Variants in AKR1C8 observed in about 807,000 individuals in gnomAD.
The protein encoded by AKR1C8 is aldo-keto reductase family 1 member C8, also known as aldo-keto reductase family 1 member C-like protein 1.
At chr10:5,167,550 C>A in the AKR1C8 span, among the ~76,000 whole-genome samples, 1 of 152,118 alleles carries the variant, frequency 6.6e-6, no homozygotes, top group African/African-American at 2.4e-5. Flanking sequence ...AACCAAACAC[C>A]GCATGTTCTC....
chr10:5,177,510 G>A, the AKR1C8 span, among the ~76,000 whole-genome samples: 3 of 152,172 alleles, frequency 2.0e-5, no homozygotes, highest in Non-Finnish European at 2.9e-5. Flanking sequence ...AGTTAGGGAG[G>A]CTTCCTTCTT....
the AKR1C8 span, among the ~76,000 whole-genome samples, chr10:5,129,894 C>G: frequency 0.96 from 145,661 of 152,048 alleles, 69,840 homozygotes; most frequent in East Asian, 1. Context: ...TAGAGAGAGA[C>G]GGAACTCTGC....
chr10:5,153,624 G>A, the AKR1C8 span, among the ~76,000 whole-genome samples: 2 of 152,266 alleles, frequency 1.3e-5, 1 homozygote. Context: ...AAGGCAAGGG[G>A]GAGCAGACGC....
chr10:5,127,651 G>A, the AKR1C8 span, among the ~76,000 whole-genome samples: 3 of 150,488 alleles, frequency 2.0e-5, no homozygotes, highest in South Asian at 6.3e-4. Flanking sequence ...CCTGGGAGGA[G>A]GAGGTTGCAG....
At chr10:5,128,295 A>C in the AKR1C8 span, among the ~76,000 whole-genome samples, 3 of 152,196 alleles carry the variant, frequency 2.0e-5, 1 homozygote, top group Non-Finnish European at 4.4e-5. Context: ...TAAATCTTCA[A>C]CCAAAAGACT....
the AKR1C8 span, among the ~76,000 whole-genome samples, chr10:5,146,652 A>G: frequency 4.6e-5 from 7 of 152,184 alleles, no homozygotes; most frequent in Non-Finnish European, 1.0e-4. Flanking sequence ...ATAGTTATGG[A>G]AAACTATTCA....
the AKR1C8 span, among the ~76,000 whole-genome samples, chr10:5,151,057 A>C: frequency 6.6e-6 from 1 of 152,082 alleles, no homozygotes; most frequent in Admixed American, 6.6e-5. Flanking sequence ...TTGGAGATTA[A>C]ATCATAGGGA....
At chr10:5,185,026 A>C in the AKR1C8 span, 1 of 534,696 alleles carries the variant, frequency 1.9e-6, no homozygotes, top group Admixed American at 1.9e-5. Flanking sequence ...TCAGGAGCAT[A>C]AGTGCCAAAT....
chr10:5,175,341 T>C, the AKR1C8 span, among the ~76,000 whole-genome samples: 2 of 152,138 alleles, frequency 1.3e-5, no homozygotes, highest in Non-Finnish European at 2.9e-5. Flanking sequence ...TTCCATGGTG[T>C]ATATGTGCCA....
At chr10:5,180,717 T>C in the AKR1C8 span, among the ~76,000 whole-genome samples, 1,077 of 152,312 alleles carry the variant, frequency 7.1e-3, 2 homozygotes, top group Non-Finnish European at 0.01. Flanking sequence ...AGCCTGGCTG[T>C]CGCCTTGCAG....
the AKR1C8 span, among the ~76,000 whole-genome samples, chr10:5,121,628 C>T: frequency 0.39 from 59,609 of 151,714 alleles, 12,505 homozygotes; most frequent in Non-Finnish European, 0.43. Context: ...CTAGGACCTA[C>T]GCACATTTAC....
chr10:5,150,147 G>A, the AKR1C8 span, among the ~76,000 whole-genome samples: 1 of 151,990 alleles, frequency 6.6e-6, no homozygotes, highest in Non-Finnish European at 1.5e-5. Flanking sequence ...GTTTTCTTTA[G>A]TCCAATGGCA....
At chr10:5,155,726 A>G in the AKR1C8 span, 4 of 477,672 alleles carry the variant, frequency 8.4e-6, no homozygotes, top group Middle Eastern at 9.7e-4. Context: ...AATGGCTTTC[A>G]TGTCCTCTGG....
the AKR1C8 span, chr10:5,123,917 T>G: frequency 7.9e-7 from 1 of 1,263,540 alleles, no homozygotes; most frequent in Non-Finnish European, 1.1e-6. Flanking sequence ...TGAATAAATA[T>G]GTGTAGCATC....
At chr10:5,168,328 G>T in the AKR1C8 span, among the ~76,000 whole-genome samples, 34 of 151,964 alleles carry the variant, frequency 2.2e-4, 1 homozygote, top group Admixed American at 2.0e-3. Flanking sequence ...ACCCTCAAAT[G>T]CAACTCCCAG....
the AKR1C8 span, among the ~76,000 whole-genome samples, chr10:5,129,848 A>C: frequency 6.6e-6 from 1 of 152,154 alleles, no homozygotes; most frequent in South Asian, 2.1e-4. Context: ...TTCAAAAAGA[A>C]GTTGGTACGA....
At chr10:5,132,867 A>C in the AKR1C8 span, 2 of 526,844 alleles carry the variant, frequency 3.8e-6, no homozygotes, top group East Asian at 3.6e-5. Context: ...TTATTCTTGC[A>C]TCTTGGGTTA....
the AKR1C8 span, among the ~76,000 whole-genome samples, chr10:5,174,801 TAA>T: frequency 3.3e-5 from 5 of 151,944 alleles, no homozygotes; most frequent in African/African-American, 1.2e-4. Flanking sequence ...TGCCTAGGAA[TAA>T]AAGACTGTCT....
chr10:5,172,409 C>T, the AKR1C8 span, among the ~76,000 whole-genome samples: 1 of 151,936 alleles, frequency 6.6e-6, no homozygotes, highest in Non-Finnish European at 1.5e-5. Context: ...ACAGTTCTTT[C>T]CCCAAAAAAC....
Sources: gnomAD v4.1 joint callset for allele counts (sites outside exome capture counted in the v4.1 genomes callset) on GRCh38, gnomAD v4.1.1 for gene constraint, MANE v1.5 for transcripts, NCBI Gene and HGNC (gene_info 2026-07-23, HGNC 2026-07-21) for gene names.